SV2C: variants seen among roughly 807,000 people sequenced by gnomAD.
The protein encoded by SV2C is solute carrier family 22 member B3.
Under a neutral mutation model 79.7 loss-of-function variants are expected in SV2C, and 49 were observed. The observed-to-expected ratio is 0.61, with a 90% CI of 0.49 to 0.78. The LOEUF is 0.78. SV2C is among the 30% of genes least tolerant of loss of function. SV2C has a pLI of 0.00. For synonymous variants in SV2C, 334 were observed against 333.2 expected (o/e 1.00, Z -0.03); for missense variants, 833 against 912.9 (o/e 0.91, Z 1.13).
chr5:75,878,554 CA>C, the SV2C span, among the ~76,000 whole-genome samples: 1 of 152,096 alleles, frequency 6.6e-6, no homozygotes. Flanking sequence ...AAACTGAGTT[CA>C]AGCCCTAAAC....
At chr5:76,009,243 C>A in the SV2C span, among the ~76,000 whole-genome samples, 1 of 152,070 alleles carries the variant, frequency 6.6e-6, no homozygotes, top group African/African-American at 2.4e-5. Flanking sequence ...ATGGCTATTA[C>A]TAAAAAGTCT....
chr5:75,908,727 T>C, the SV2C span, among the ~76,000 whole-genome samples: 3 of 152,234 alleles, frequency 2.0e-5, no homozygotes, highest in South Asian at 6.2e-4. Context: ...CCTTTTGCAA[T>C]ATCATTAGTT....
At chr5:75,950,775 C>T in the SV2C span, among the ~76,000 whole-genome samples, 1 of 120,568 alleles carries the variant, frequency 8.3e-6, no homozygotes, top group Non-Finnish European at 1.5e-5. Flanking sequence ...TTCCTAGTGG[C>T]TTGAGAGTTA....
intron 2 of SV2C, among the ~76,000 whole-genome samples, chr5:76,148,879 A>C (rs1405228306): frequency 2.0e-5 from 3 of 152,180 alleles, no homozygotes; most frequent in African/African-American, 7.2e-5. Flanking sequence ...AGTCTTGGCT[A>C]GTTAGTACAT....
chr5:75,911,061 C>T, the SV2C span: 1 of 1,239,274 alleles, frequency 8.1e-7, no homozygotes, highest in Non-Finnish European at 1.2e-6. Flanking sequence ...GTCGCAACAA[C>T]TGAAGATCTG....
At chr5:76,262,278 T>C (rs962670879) in intron 4 of SV2C, among the ~76,000 whole-genome samples, 13 of 152,210 alleles carry the variant, frequency 8.5e-5, no homozygotes, top group African/African-American at 2.9e-4. Context: ...GGATCAGTGG[T>C]GATATCCCTT....
intron 4 of SV2C, chr5:76,241,942 C>T (rs1481106674): frequency 1.3e-6 from 1 of 780,688 alleles, no homozygotes; most frequent in Non-Finnish European, 2.2e-6. Context: ...CAAAATTCTG[C>T]ATTTTTATAA....
the SV2C span, among the ~76,000 whole-genome samples, chr5:75,953,121 GA>G: frequency 6.6e-6 from 1 of 152,022 alleles, no homozygotes; most frequent in African/African-American, 2.4e-5. Flanking sequence ...GGCAGAAGGT[GA>G]AAAGGAGCTG....
intron 2 of SV2C, among the ~76,000 whole-genome samples, chr5:76,190,214 A>G (rs1317720071): frequency 1.3e-5 from 2 of 152,236 alleles, no homozygotes; most frequent in South Asian, 2.1e-4. Flanking sequence ...AGTCAGGACC[A>G]TCATAACAGG....
At chr5:76,222,198 C>A (rs1430370727) in intron 4 of SV2C, among the ~76,000 whole-genome samples, 3 of 152,180 alleles carry the variant, frequency 2.0e-5, no homozygotes, top group Non-Finnish European at 2.9e-5. Context: ...TGTATCCACA[C>A]AAAAGCGTAT....
At chr5:75,969,968 A>G in the SV2C span, among the ~76,000 whole-genome samples, 4 of 152,102 alleles carry the variant, frequency 2.6e-5, no homozygotes, top group Non-Finnish European at 4.4e-5. Flanking sequence ...ATTATAACAA[A>G]CTGTCTCTCA....
At chr5:75,987,060 C>G in the SV2C span, among the ~76,000 whole-genome samples, 2 of 151,922 alleles carry the variant, frequency 1.3e-5, no homozygotes, top group Non-Finnish European at 2.9e-5. Context: ...AGACCTGCCT[C>G]TACATTGTGT....
At chr5:75,968,395 T>G in the SV2C span, among the ~76,000 whole-genome samples, 23 of 151,980 alleles carry the variant, frequency 1.5e-4, no homozygotes, top group Admixed American at 8.5e-4. Context: ...AGGAGGAAGT[T>G]CAAACCAATG....
intron 4 of SV2C, among the ~76,000 whole-genome samples, chr5:76,261,598 T>C (rs35496680): frequency 0.47 from 71,503 of 151,996 alleles, 17,167 homozygotes; most frequent in South Asian, 0.55. Context: ...AATAGATTTA[T>C]TATTTTGAGG....
chr5:75,900,966 T>C, the SV2C span, among the ~76,000 whole-genome samples: 37 of 152,342 alleles, frequency 2.4e-4, no homozygotes, highest in Middle Eastern at 3.4e-3. Context: ...CTGTATTGGT[T>C]ATTCTAGTTA....
the SV2C span, among the ~76,000 whole-genome samples, chr5:76,004,064 G>A: frequency 6.6e-6 from 1 of 152,034 alleles, no homozygotes; most frequent in Non-Finnish European, 1.5e-5. Flanking sequence ...AAAAAAAAAG[G>A]TTGATAAAGC....
At chr5:76,048,804 C>T in the SV2C span, among the ~76,000 whole-genome samples, 1 of 104,892 alleles carries the variant, frequency 9.5e-6, no homozygotes, top group African/African-American at 4.9e-5. Context: ...TTTTCAGCCT[C>T]CAGATTGTGA....
At chr5:76,337,721 A>G (rs1749355123), downstream of SV2C, among the ~76,000 whole-genome samples, 1 of 152,180 alleles carries the variant, frequency 6.6e-6, no homozygotes, top group Non-Finnish European at 1.5e-5. Flanking sequence ...CCAGAAACAG[A>G]TAATTCTGGG....
the SV2C span, among the ~76,000 whole-genome samples, chr5:76,064,076 G>A: frequency 0.42 from 63,633 of 152,042 alleles, 13,841 homozygotes; most frequent in East Asian, 0.73. Context: ...GAGGAGGGCT[G>A]CAGCCTAAAT....
Sources: gnomAD v4.1 joint callset for allele counts (sites outside exome capture counted in the v4.1 genomes callset) on GRCh38, gnomAD v4.1.1 for gene constraint, MANE v1.5 for transcripts, NCBI Gene and HGNC (gene_info 2026-07-23, HGNC 2026-07-21) for gene names.